ATAD2B: variants seen among roughly 807,000 people sequenced by gnomAD.
ATAD2B encodes the protein ATPase family AAA domain-containing protein 2B.
ATAD2B carries 40 observed loss-of-function variants against 167.6 expected under a neutral mutation model. The ratio of observed to expected loss-of-function variants is 0.24; its 90% CI spans 0.19 to 0.31. The LOEUF (loss-of-function observed/expected upper bound fraction) is 0.31, where lower values mean the gene tolerates loss of function less well. ATAD2B is among the 10% of genes least tolerant of loss of function. The probability of loss-of-function intolerance (pLI) is 1.00; values close to 1 mark genes in which losing one functional copy is unlikely to be tolerated. For synonymous variants in ATAD2B, 579 were observed against 596.5 expected, an observed-to-expected ratio of 0.97 and a Z score of 0.43; for missense variants, 1,242 against 1,757.2, an observed-to-expected ratio of 0.71 and a Z score of 5.24.
intron 22 of ATAD2B, among the ~76,000 whole-genome samples, chr2:23,773,995 G>A (rs1484076738): frequency 2.0e-5 from 3 of 152,060 alleles, no homozygotes; most frequent in Non-Finnish European, 4.4e-5. Flanking sequence ...CTGTGTTGAT[G>A]TTTCTTTTGT....
At chr2:23,921,309 A>T (rs2150686649) in intron 1 of ATAD2B, among the ~76,000 whole-genome samples, 1 of 151,386 alleles carries the variant, frequency 6.6e-6, no homozygotes, top group South Asian at 2.1e-4. Context: ...TTCATTGTGT[A>T]TGTCCTGAAA....
chr2:23,797,447 G>C (rs189712062), intron 19 of ATAD2B, among the ~76,000 whole-genome samples: 150 of 152,066 alleles, frequency 9.9e-4, no homozygotes, highest in African/African-American at 3.5e-3. Context: ...AGTTAACATG[G>C]TGCTATCAAT....
At chr2:23,738,216 T>A in the ATAD2B span, among the ~76,000 whole-genome samples, 41 of 152,286 alleles carry the variant, frequency 2.7e-4, no homozygotes, top group African/African-American at 9.1e-4. Context: ...AAGATAGTCC[T>A]TGAGAAGAGC....
chr2:23,878,010 C>CAAAAAAAAAAAAA lies in ATAD2B; in HGVS notation c.902-2107_902-2106insTTTTTTTTTTTTT, dbSNP rs1283016862. 1.1e-3 allele frequency among the ~76,000 whole-genome samples: 32 copies of CAAAAAAAAAAAAA among 28,608 alleles called. 6 individuals carry two copies. The highest frequency in any genetic ancestry group is 4.0e-3 in the East Asian group (3 of 758). The allele number at this position is 28,608 out of a possible 152,430, so 18.8% of individuals were successfully genotyped here. A position where few individuals can be genotyped will look rare whatever the true frequency, so the allele number is the denominator to read the frequency against. On this transcript the variant is annotated intron_variant, in intron 7 of 27. Transcript: ENST00000238789. ...ACTCCAGCCTGGATGACCCTATCTC[C>CAAAAAAAAAAAAA]AAAGAAAAAAAAAAAAAAAAAAAAA... is the stretch of plus-strand genomic sequence containing the variant.
chr2:23,916,441 A>C (rs1703050328), intron 1 of ATAD2B, among the ~76,000 whole-genome samples: 1 of 152,240 alleles, frequency 6.6e-6, no homozygotes, highest in South Asian at 2.1e-4. Context: ...AAGTCCAAAA[A>C]TAATGGCTGA....
chr2:23,777,348 A>ATATATTTATATC lies in ATAD2B; in HGVS notation c.3133+5520_3133+5521insGATATAAATATA, dbSNP rs1553380262. ...GCATTATGGATCTATCATAATACTG[A>ATATATTTATATC]TATATCTATATCTATATCTATATCT... On this transcript the variant is annotated intron_variant, in intron 22 of 27. Coordinates refer to ENST00000238789, the MANE Select transcript of ATAD2B (RefSeq NM_017552.4). 9.6e-4 allele frequency among the ~76,000 whole-genome samples: 140 copies of ATATATTTATATC among 146,334 alleles called. 1 individual carries two copies. Among genetic ancestry groups the ATATATTTATATC allele is most frequent in the Admixed American group, 9.0e-3 (130 of 14,394 alleles).
At chr2:23,790,144 C>A (rs1398107434) in intron 19 of ATAD2B, among the ~76,000 whole-genome samples, 1 of 152,164 alleles carries the variant, frequency 6.6e-6, no homozygotes, top group Admixed American at 6.5e-5. Flanking sequence ...AAATTTACTA[C>A]TGAACATGCT....
intron 17 of ATAD2B, among the ~76,000 whole-genome samples, chr2:23,810,800 C>A (rs1224357951): frequency 2.0e-5 from 3 of 152,254 alleles, no homozygotes; most frequent in Non-Finnish European, 4.4e-5. Context: ...CACCTGAGGT[C>A]AGGAGTTCAA....
At chr2:23,711,105 C>T in the ATAD2B span, among the ~76,000 whole-genome samples, 1 of 151,998 alleles carries the variant, frequency 6.6e-6, no homozygotes, top group Non-Finnish European at 1.5e-5. Context: ...GTATGTGATA[C>T]ACATATATAA....
intron 1 of ATAD2B, among the ~76,000 whole-genome samples, chr2:23,920,165 AG>A (rs1394140348): frequency 6.9e-6 from 1 of 145,616 alleles, no homozygotes; most frequent in African/African-American, 2.6e-5. Flanking sequence ...AAAAAAAAAA[AG>A]GTATTAATTG....
At chr2:23,902,432 G>C (rs1197592751) in intron 1 of ATAD2B, among the ~76,000 whole-genome samples, 1 of 152,136 alleles carries the variant, frequency 6.6e-6, no homozygotes, top group Admixed American at 6.5e-5. Flanking sequence ...TTAACTTCAA[G>C]CTTTGGGAAA....
the ATAD2B span, among the ~76,000 whole-genome samples, chr2:23,722,764 C>T: frequency 6.6e-6 from 1 of 151,994 alleles, no homozygotes; most frequent in Non-Finnish European, 1.5e-5. Flanking sequence ...AGATCCTCTC[C>T]AAGACACATT....
chr2:23,842,285 C>T (rs1691040855), intron 13 of ATAD2B, among the ~76,000 whole-genome samples: 1 of 152,082 alleles, frequency 6.6e-6, no homozygotes, highest in Admixed American at 6.6e-5. Context: ...TTCTATTTTA[C>T]TAATGATTAC....
intron 1 of ATAD2B, among the ~76,000 whole-genome samples, chr2:23,916,413 T>C (rs1284798569): frequency 2.6e-5 from 4 of 152,228 alleles, no homozygotes; most frequent in Non-Finnish European, 5.9e-5. Flanking sequence ...ACAATTTTTT[T>C]AACCAACTTC....
In ATAD2B at chr2:23,888,244, T is replaced by C; in HGVS notation, c.418+106A>G. 3 of 820,974 alleles carry C rather than the reference T, an allele frequency of 3.7e-6. No homozygotes were observed. The South Asian group carries it at 5.3e-5, about 15-fold the overall frequency. 50.9% of individuals were successfully genotyped at this position (820,974 alleles called of 1,614,324 possible). Reference sequence around the variant, plus strand: ...TGACTGAAATTCAGCCATTTCCAACTGTATGCTCAGCACACTATTAAATCA... The same window carrying C: ...TGACTGAAATTCAGCCATTTCCAACCGTATGCTCAGCACACTATTAAATCA... On this transcript the variant is annotated intron_variant, in intron 3 of 27. Transcript: ENST00000238789.
At chr2:23,765,068 T>C (rs1991082) in intron 23 of ATAD2B, among the ~76,000 whole-genome samples, 151,520 of 152,360 alleles carry the variant, frequency 0.99, 75,346 homozygotes, top group East Asian at 1. Flanking sequence ...TAAACTGAAT[T>C]GACAAACCAC....
At chr2:23,692,645 T>A in the ATAD2B span, among the ~76,000 whole-genome samples, 1 of 151,808 alleles carries the variant, frequency 6.6e-6, no homozygotes, top group Admixed American at 6.6e-5. Flanking sequence ...CACGCCTAGG[T>A]TGGAAGAACC....
chr2:23,887,197 G>C (rs2150280983), intron 4 of ATAD2B, among the ~76,000 whole-genome samples: 1 of 152,164 alleles, frequency 6.6e-6, no homozygotes, highest in South Asian at 2.1e-4. Flanking sequence ...CTGGGAGGCA[G>C]ATGTTGCAGT....
At chr2:23,742,998 G>A in the ATAD2B span, among the ~76,000 whole-genome samples, 2 of 151,988 alleles carry the variant, frequency 1.3e-5, no homozygotes, top group African/African-American at 4.8e-5. Context: ...TGAAAATTAC[G>A]AAAGCCTTAG....
Sources: allele counts gnomAD v4.1 joint callset (sites outside exome capture counted in the v4.1 genomes callset), GRCh38; gene constraint gnomAD v4.1.1; transcripts MANE v1.5; gene names NCBI Gene and HGNC (gene_info 2026-07-23, HGNC 2026-07-21).